Variants in SLC16A10 observed in about 807,000 individuals in gnomAD.
SLC16A10 encodes monocarboxylate transporter 10.
A neutral mutation model predicts 40.0 loss-of-function variants in SLC16A10; 27 were observed. The ratio of observed to expected loss-of-function variants is 0.67; its 90% CI spans 0.50 to 0.93. The LOEUF is 0.93. SLC16A10 is among the 40% of genes least tolerant of loss of function. SLC16A10 has a pLI of 0.00. For missense variants in SLC16A10, 529 were observed against 658.2 expected (o/e 0.80, Z 2.15); for synonymous variants, 213 against 249.8 (o/e 0.85, Z 1.39).
chr6:111,206,955 G>C (rs1027123861), intron 4 of SLC16A10, among the ~76,000 whole-genome samples: 6 of 152,022 alleles, frequency 3.9e-5, no homozygotes, highest in Admixed American at 3.9e-4. Context: ...TAGCCTCCCA[G>C]GTAGCTGGGA....
At chr6:111,156,455 A>G (rs1270230496) in intron 1 of SLC16A10, among the ~76,000 whole-genome samples, 2 of 152,266 alleles carry the variant, frequency 1.3e-5, no homozygotes, top group African/African-American at 4.8e-5. Flanking sequence ...TTTCCTTGAT[A>G]TAATGGGATG....
intron 3 of SLC16A10, among the ~76,000 whole-genome samples, chr6:111,185,111 A>G (rs1772871837): frequency 6.6e-6 from 1 of 152,214 alleles, no homozygotes; most frequent in African/African-American, 2.4e-5. Context: ...CACTTCCCCA[A>G]AATCTCACAG....
chr6:111,098,869 G>C (rs1771123966), intron 1 of SLC16A10, among the ~76,000 whole-genome samples: 1 of 152,148 alleles, frequency 6.6e-6, no homozygotes, highest in African/African-American at 2.4e-5. Flanking sequence ...TTGACAGGAG[G>C]ACCCCAGCCA....
intron 1 of SLC16A10, among the ~76,000 whole-genome samples, chr6:111,139,071 G>T (rs1402607502): frequency 7.8e-6 from 1 of 127,530 alleles, no homozygotes. Context: ...CTCCCTGCTG[G>T]CTTTTTTTTT....
At chr6:111,146,471 T>G (rs946594933) in intron 1 of SLC16A10, among the ~76,000 whole-genome samples, 1 of 152,174 alleles carries the variant, frequency 6.6e-6, no homozygotes, top group African/African-American at 2.4e-5. Context: ...CCGGGCGCGG[T>G]GGCTCAAGCC....
In SLC16A10 at chr6:111,087,574, C is replaced by T. The variant is rs1770888252; in HGVS notation, c.-179C>T. 8.1e-6 allele frequency: 2 copies of T among 246,608 alleles called. No individual in the cohort carries two copies. The highest frequency in any genetic ancestry group is 5.5e-5 in the Admixed American group (1 of 18,068). 15.3% of individuals were successfully genotyped at this position (246,608 alleles called of 1,614,324 possible). On this transcript the variant is annotated 5_prime_UTR_variant, in exon 1 of 6. Transcript: ENST00000368851. ...CGAGGTGTTCGCGCGCGCCAGCTGT[C>T]CTCGCGGCCGCCTGCGCGCTGGCCG...
intron 1 of SLC16A10, among the ~76,000 whole-genome samples, chr6:111,124,302 T>C (rs1393959819): frequency 6.7e-6 from 1 of 148,248 alleles, no homozygotes; most frequent in African/African-American, 2.6e-5. Flanking sequence ...TTTATACTTA[T>C]AGTTAAAAAA....
chr6:111,151,399 T>C (rs1281166622), intron 1 of SLC16A10, among the ~76,000 whole-genome samples: 10 of 152,162 alleles, frequency 6.6e-5, no homozygotes, highest in Non-Finnish European at 1.5e-5. Flanking sequence ...CTATTGCCAC[T>C]CCCTTCATCT....
intron 1 of SLC16A10, among the ~76,000 whole-genome samples, chr6:111,128,670 A>G (rs1174984905): frequency 6.6e-6 from 1 of 152,162 alleles, no homozygotes; most frequent in Non-Finnish European, 1.5e-5. Context: ...ATACCTCTGT[A>G]TTCAAAAGAG....
At position 111,214,479 on chromosome 6, in the gene SLC16A10, G is replaced by A. The variant is rs553486321; in HGVS notation, c.1087-4335G>A. 1.7e-3 allele frequency among the ~76,000 whole-genome samples: 262 copies of A among 152,258 alleles called. 2 individuals are homozygous for A. Among genetic ancestry groups the A allele is most frequent in the Non-Finnish European group, 2.5e-3 (168 of 68,026 alleles). ...CTATATGTATAGTTTGCCGAGCGTCGGCATGTGCTCCTTGTGGCCCAGGCA... is the reference window on the plus strand; with the variant it reads ...CTATATGTATAGTTTGCCGAGCGTCAGCATGTGCTCCTTGTGGCCCAGGCA... On this transcript the variant is annotated intron_variant, in intron 4 of 5. Transcript: ENST00000368851.
intron 1 of SLC16A10, among the ~76,000 whole-genome samples, chr6:111,143,702 T>C (rs553669033): frequency 2.0e-5 from 3 of 151,988 alleles, no homozygotes; most frequent in Non-Finnish European, 4.4e-5. Context: ...CAGGGGAGAA[T>C]GAATAGGTGG....
intron 1 of SLC16A10, among the ~76,000 whole-genome samples, chr6:111,131,542 T>C (rs1771783366): frequency 6.6e-6 from 1 of 152,184 alleles, no homozygotes; most frequent in Non-Finnish European, 1.5e-5. Flanking sequence ...TGCTTGCTGT[T>C]CTGCCCTATT....
In SLC16A10 at chr6:111,177,342, A is replaced by G; in HGVS notation, c.619A>G (p.Thr207Ala). 3 of 1,613,752 alleles carry G rather than the reference A, an allele frequency of 1.9e-6. No individual in the cohort carries two copies. The highest frequency in any genetic ancestry group is 2.5e-6 in the Non-Finnish European group (3 of 1,179,896). The change falls in exon 3 of 6, where the codon ACT becomes GCT. Residue 207 changes from threonine (T) to alanine (A), a missense_variant. By Grantham distance (58) the Thr-to-Ala change is moderately conservative. Coordinates refer to ENST00000368851, the MANE Select transcript of SLC16A10 (RefSeq NM_018593.5). Reference sequence around the variant, plus strand: ...CCTTGGACTGGTGAATGGCATTGTCACTGCTGGCAGCAGTGTCTTCACAAT... The same window carrying G: ...CCTTGGACTGGTGAATGGCATTGTCGCTGCTGGCAGCAGTGTCTTCACAAT... ...KRLGLVNGIV[T>A]AGSSVFTILL...
intron 1 of SLC16A10, among the ~76,000 whole-genome samples, chr6:111,121,276 T>G (rs1163032836): frequency 6.6e-6 from 1 of 152,220 alleles, no homozygotes; most frequent in East Asian, 1.9e-4. Flanking sequence ...CCAGATTTTA[T>G]TGTGGCCGGC....
At chr6:111,159,136 C>T (rs1033564023) in intron 1 of SLC16A10, among the ~76,000 whole-genome samples, 2 of 145,944 alleles carry the variant, frequency 1.4e-5, no homozygotes, top group African/African-American at 2.5e-5. Context: ...CCCGTGTACA[C>T]TTCTCCATTC....
chr6:111,220,980 T>C (rs772004267), intron 5 of SLC16A10, among the ~76,000 whole-genome samples: 4 of 152,224 alleles, frequency 2.6e-5, no homozygotes, highest in Non-Finnish European at 4.4e-5. Context: ...GATAGAAAAC[T>C]TGTGCATTTA....
intron 1 of SLC16A10, among the ~76,000 whole-genome samples, chr6:111,145,610 A>T (rs1020660509): frequency 6.6e-6 from 1 of 152,112 alleles, no homozygotes; most frequent in Non-Finnish European, 1.5e-5. Flanking sequence ...ACCTAAGTAT[A>T]AGCTGAGACA....
chr6:111,196,135 G>A (rs974858540), intron 3 of SLC16A10, among the ~76,000 whole-genome samples: 3 of 152,074 alleles, frequency 2.0e-5, no homozygotes, highest in Non-Finnish European at 4.4e-5. Flanking sequence ...TCAGGAGTTC[G>A]AGACCAGACT....
intron 1 of SLC16A10, among the ~76,000 whole-genome samples, chr6:111,140,194 G>A (rs1771956640): frequency 6.6e-6 from 1 of 152,122 alleles, no homozygotes; most frequent in Non-Finnish European, 1.5e-5. Flanking sequence ...AGGCATAGAG[G>A]CTAATTGCCT....
Sources: gnomAD v4.1 joint callset for allele counts (sites outside exome capture counted in the v4.1 genomes callset) on GRCh38, gnomAD v4.1.1 for gene constraint, MANE v1.5 for transcripts, NCBI Gene and HGNC (gene_info 2026-07-23, HGNC 2026-07-21) for gene names.